RAPGEF2: variants seen among roughly 807,000 people sequenced by gnomAD.
RAPGEF2 encodes the protein PDZ domain containing guanine nucleotide exchange factor (GEF) 1.
In RAPGEF2, 54 loss-of-function variants were observed where a neutral mutation model predicts 186.7. That is an observed-to-expected ratio of 0.29 (90% CI 0.23 to 0.36). The LOEUF (loss-of-function observed/expected upper bound fraction) is 0.36. Ranked by LOEUF, RAPGEF2 falls within the 10% of genes least tolerant of loss-of-function variation. The probability of loss-of-function intolerance (pLI) is 1.00; values close to 1 mark genes in which losing one functional copy is unlikely to be tolerated. For synonymous variants in RAPGEF2, 712 were observed against 705.9 expected (o/e 1.01, Z -0.14); for missense variants, 1,532 against 2,045.0 (o/e 0.75, Z 4.84).
At chr4:159,143,986 A>G (rs1344791077) in intron 1 of RAPGEF2, among the ~76,000 whole-genome samples, 1 of 152,068 alleles carries the variant, frequency 6.6e-6, no homozygotes, top group Non-Finnish European at 1.5e-5. Flanking sequence ...GTCTTTTTAT[A>G]ATCTCTTTTT....
In RAPGEF2 at chr4:159,123,809, C is replaced by T. The variant is rs1396223840; in HGVS notation, c.69+19578C>T. 4.0e-5 allele frequency among the ~76,000 whole-genome samples: 6 copies of T among 151,768 alleles called. 1 individual carries two copies. In the South Asian group the frequency reaches 8.3e-4, roughly 21 times the overall value. On this transcript the variant is annotated intron_variant, in intron 1 of 29. Transcript: ENST00000691494. ...CTGGGATTACAGGTGTGAGCCACCTCGCCTGGCTGGATTTTTATCGTTTTA... is the reference window on the plus strand; with the variant it reads ...CTGGGATTACAGGTGTGAGCCACCTTGCCTGGCTGGATTTTTATCGTTTTA...
chr4:159,318,372 G>A (rs112366499), intron 9 of RAPGEF2, among the ~76,000 whole-genome samples: 1 of 152,180 alleles, frequency 6.6e-6, no homozygotes, highest in Non-Finnish European at 1.5e-5. Flanking sequence ...ACATCTGTAT[G>A]ATTGATGTTT....
At chr4:159,162,885 A>G (rs1744866117) in intron 1 of RAPGEF2, among the ~76,000 whole-genome samples, 2 of 150,924 alleles carry the variant, frequency 1.3e-5, no homozygotes, top group Non-Finnish European at 2.9e-5. Flanking sequence ...TGTTCCTTGT[A>G]ATTTTTTTTT....
At chr4:159,321,468 A>C (rs1046090281) in intron 9 of RAPGEF2, among the ~76,000 whole-genome samples, 2 of 152,152 alleles carry the variant, frequency 1.3e-5, no homozygotes, top group African/African-American at 4.8e-5. Context: ...TCAGCCTTCC[A>C]AAATGTTAGG....
intron 4 of RAPGEF2, among the ~76,000 whole-genome samples, chr4:159,217,504 C>G (rs1442047349): frequency 6.6e-6 from 1 of 152,166 alleles, no homozygotes. Flanking sequence ...TTTTTTAAGG[C>G]TAGTAGCATT....
At position 159,315,685 on chromosome 4, in the gene RAPGEF2, G is replaced by T. The variant is rs1764501162; in HGVS notation, c.853+917G>T. 3.9e-5 allele frequency among the ~76,000 whole-genome samples: 6 copies of T among 152,296 alleles called. No homozygotes were observed. In the South Asian group the frequency reaches 1.2e-3, roughly 32 times the overall value. ...GGCCACTTGGGTCACGTGTCCACTG[G>T]ACAGGGGGCCCTTCCCTGCCTAGCA... is the stretch of plus-strand genomic sequence containing the variant. On this transcript the variant is annotated intron_variant, in intron 9 of 29. Transcript: ENST00000691494.
intron 4 of RAPGEF2, among the ~76,000 whole-genome samples, chr4:159,235,576 T>G (rs1178842183): frequency 6.6e-6 from 1 of 152,174 alleles, no homozygotes; most frequent in East Asian, 1.9e-4. Flanking sequence ...TTTTGCACCA[T>G]TTTTTTCCAC....
chr4:159,312,994 A>G (rs977948096), intron 8 of RAPGEF2, among the ~76,000 whole-genome samples: 4 of 152,140 alleles, frequency 2.6e-5, no homozygotes, highest in African/African-American at 9.7e-5. Flanking sequence ...CTAAGAGTAC[A>G]AAAATTAGCT....
At chr4:159,256,559 A>G (rs1476767340) in intron 7 of RAPGEF2, among the ~76,000 whole-genome samples, 1 of 152,140 alleles carries the variant, frequency 6.6e-6, no homozygotes, top group African/African-American at 2.4e-5. Context: ...TTGGGTATAT[A>G]CCCAGTAATG....
intron 7 of RAPGEF2, among the ~76,000 whole-genome samples, chr4:159,285,165 C>T (rs533832399): frequency 1.3e-5 from 2 of 152,188 alleles, no homozygotes; most frequent in East Asian, 3.9e-4. Flanking sequence ...CCTATTTAGT[C>T]ATATATGAAG....
chr4:159,214,629 A>G (rs1429568143), intron 4 of RAPGEF2, among the ~76,000 whole-genome samples: 1 of 152,214 alleles, frequency 6.6e-6, no homozygotes, highest in Non-Finnish European at 1.5e-5. Context: ...TCACAATATG[A>G]TAATGAACCA....
At chr4:159,169,414 A>T (rs569659787) in intron 1 of RAPGEF2, among the ~76,000 whole-genome samples, 2 of 152,252 alleles carry the variant, frequency 1.3e-5, no homozygotes, top group African/African-American at 2.4e-5. Flanking sequence ...GCCAATTAAC[A>T]TACATATTAC....
At chr4:159,204,766 C>G (rs543316509) in intron 3 of RAPGEF2, among the ~76,000 whole-genome samples, 75 of 152,132 alleles carry the variant, frequency 4.9e-4, no homozygotes, top group Admixed American at 9.8e-4. Flanking sequence ...GTTCCTAGCT[C>G]AAGATCCTGT....
intron 1 of RAPGEF2, among the ~76,000 whole-genome samples, chr4:159,143,396 A>C (rs1426289670): frequency 2.6e-5 from 4 of 152,178 alleles, no homozygotes; most frequent in Admixed American, 2.6e-4. Context: ...AACTCACACA[A>C]TAGATGGAAA....
chr4:159,184,781 C>G (rs1291444384), intron 1 of RAPGEF2, among the ~76,000 whole-genome samples: 1 of 152,074 alleles, frequency 6.6e-6, no homozygotes, highest in Non-Finnish European at 1.5e-5. Context: ...CTTTTGTTGC[C>G]ATTGCTTTTG....
intron 1 of RAPGEF2, among the ~76,000 whole-genome samples, chr4:159,129,280 C>G (rs1384149827): frequency 6.6e-6 from 1 of 152,086 alleles, no homozygotes; most frequent in African/African-American, 2.4e-5. Context: ...CTCTAGTTAT[C>G]TCTTAAGAGT....
chr4:159,232,860 G>T (rs529112481), intron 4 of RAPGEF2, among the ~76,000 whole-genome samples: 3 of 152,182 alleles, frequency 2.0e-5, no homozygotes, highest in African/African-American at 7.2e-5. Flanking sequence ...TTTGCATGTG[G>T]CTTCAGGTGT....
At chr4:159,246,597 T>C (rs1374814432) in intron 7 of RAPGEF2, among the ~76,000 whole-genome samples, 1 of 152,182 alleles carries the variant, frequency 6.6e-6, no homozygotes, top group Non-Finnish European at 1.5e-5. Context: ...CTTGGTAGTT[T>C]TGGTTAGTTT....
At chr4:159,330,120 A>C (rs1429994001) in intron 12 of RAPGEF2, 110 bp downstream of exon 12, 1 of 1,168,746 alleles carries the variant, frequency 8.6e-7, no homozygotes, top group Non-Finnish European at 1.2e-6. Context: ...AAAGGTTATC[A>C]GTTGTGAAAA....
Sources: allele counts gnomAD v4.1 joint callset (sites outside exome capture counted in the v4.1 genomes callset), GRCh38; gene constraint gnomAD v4.1.1; transcripts MANE v1.5; gene names NCBI Gene and HGNC (gene_info 2026-07-23, HGNC 2026-07-21).